ABLIM2: variants seen among roughly 807,000 people sequenced by gnomAD.
ABLIM2 encodes the protein actin binding LIM protein family member 2, also known as actin-binding LIM protein 2.
In ABLIM2, 53 loss-of-function variants were observed where a neutral mutation model predicts 97.7. That is an observed-to-expected ratio of 0.54 (90% CI 0.44 to 0.68). The LOEUF (loss-of-function observed/expected upper bound fraction) is 0.68. Among genes scored for constraint, ABLIM2 ranks in the 30% least tolerant of loss-of-function variants. The pLI is 0.00. For missense variants in ABLIM2, 835 were observed against 867.2 expected (o/e 0.96, Z 0.47); for synonymous variants, 361 against 345.8 (o/e 1.04, Z -0.49).
At chr4:7,980,117 G>T (rs1736797386) in intron 20 of ABLIM2, among the ~76,000 whole-genome samples, 1 of 152,084 alleles carries the variant, frequency 6.6e-6, no homozygotes, top group South Asian at 2.1e-4. Flanking sequence ...TCTAAGCCCT[G>T]CAATGGCTGA....
intron 20 of ABLIM2, among the ~76,000 whole-genome samples, chr4:7,973,604 C>T (rs773408091): frequency 2.0e-5 from 3 of 152,032 alleles, no homozygotes; most frequent in Non-Finnish European, 2.9e-5. Flanking sequence ...CCGTGTTAAG[C>T]AGTTTGGTTT....
At position 8,071,816 on chromosome 4, in the gene ABLIM2, G is replaced by C. The variant is rs1380866012; in HGVS notation, c.675+5812C>G. ...AGCCCAGTCTGACGGCCCTGCTTGA[G>C]TGCCGTGCTCCCTGGAACGTGTGCC... On this transcript the variant is annotated intron_variant, in intron 6 of 20. Transcript: ENST00000447017. The surrounding 1 kb of genome is among the most constrained non-coding windows in gnomAD (Gnocchi z 6.2). 2.0e-6 allele frequency: 2 copies of C among 985,276 alleles called. No individual in the cohort carries two copies. The highest frequency in any genetic ancestry group is 2.4e-6 in the Non-Finnish European group (2 of 829,984). The allele number at this position is 985,276 out of a possible 1,614,324, so 61.0% of individuals were successfully genotyped here.
Position 8,097,345 on chromosome 4 carries a change from C to T in ABLIM2, c.155-63G>A. On this transcript the variant is annotated intron_variant, in intron 2 of 20. Transcript: ENST00000447017. ...GGGACCATCTCCACGTCCCCCAGGC[C>T]CGAGGTGCACCCCCCTCCACACACA... The T allele has an allele frequency of 3.9e-6, 6 of 1,529,530 alleles. No homozygotes were observed. The African/African-American group carries it at 4.1e-5, about 11-fold the overall frequency. 94.7% of individuals were successfully genotyped at this position (1,529,530 alleles called of 1,614,324 possible). A position where few individuals can be genotyped will look rare whatever the true frequency, so the allele number is the denominator to read the frequency against.
At position 8,130,953 on chromosome 4, in the gene ABLIM2, G is replaced by A. The variant is rs989001274; in HGVS notation, c.11-24316C>T. On this transcript the variant is annotated intron_variant, in intron 1 of 20. Transcript: ENST00000447017. The surrounding 1 kb of genome is among the most constrained non-coding windows in gnomAD (Gnocchi z 4.2). ...AGCTCCCCCAAAGGCTCTAGGGGAG[G>A]CTGCCGTTACCTCGCCCTGCTCTTG... Among the ~76,000 whole-genome samples the A allele has an allele frequency of 6.6e-6, 1 of 152,128 alleles. No homozygotes were observed. Among genetic ancestry groups the A allele is most frequent in the Non-Finnish European group, 1.5e-5 (1 of 68,014 alleles).
rs757300426 is a variant in ABLIM2, at chr4:8,149,587, G to C, written c.10+9093C>G. 6.6e-6 allele frequency among the ~76,000 whole-genome samples: 1 copy of C among 151,920 alleles called. No individual in the cohort carries two copies. The highest frequency in any genetic ancestry group is 2.4e-5 in the African/African-American group (1 of 41,364). Reference sequence around the variant, plus strand: ...TCCGGCAGAGCCTTGAAAGGGAGAGGAGGAGGGACTCCAGGGGAGCGGGGG... The same window carrying C: ...TCCGGCAGAGCCTTGAAAGGGAGAGCAGGAGGGACTCCAGGGGAGCGGGGG... On this transcript the variant is annotated intron_variant, in intron 1 of 20. Transcript: ENST00000447017. The surrounding 1 kb of genome is among the most constrained non-coding windows in gnomAD (Gnocchi z 6.4).
intron 20 of ABLIM2, among the ~76,000 whole-genome samples, chr4:7,971,004 G>A (rs1451010156): frequency 6.6e-6 from 1 of 152,104 alleles, no homozygotes; most frequent in African/African-American, 2.4e-5. Flanking sequence ...GTATCCGGAA[G>A]GCTGGGTGAG....
Position 8,015,011 on chromosome 4 carries a change from C to T in ABLIM2, c.1423+4607G>A, listed in dbSNP as rs1349923164. ...ACTCGGCTCACTGCAACCTCCGCCTCCCAGGTTCAAGCAATTCTCGTACTT... is the reference window on the plus strand; with the variant it reads ...ACTCGGCTCACTGCAACCTCCGCCTTCCAGGTTCAAGCAATTCTCGTACTT... On this transcript the variant is annotated intron_variant, in intron 14 of 20. Coordinates refer to ENST00000447017, the MANE Select transcript of ABLIM2 (RefSeq NM_001130083.2). The surrounding 1 kb of genome is among the most constrained non-coding windows in gnomAD (Gnocchi z 4.6). 6.6e-6 allele frequency among the ~76,000 whole-genome samples: 1 copy of T among 151,982 alleles called. No homozygotes were observed. The highest frequency in any genetic ancestry group is 1.5e-5 in the Non-Finnish European group (1 of 67,992).
In ABLIM2 at chr4:8,019,752, G is replaced by A. The variant is rs935479268; in HGVS notation, c.1370-81C>T. The stretch of plus-strand genomic sequence containing the variant: ...GATGGTTTCTGTTCTACAGCTTTTT[G>A]TAAGCAACAAGCACTCACCCAGATT... On this transcript the variant is annotated intron_variant, in intron 13 of 20. Transcript: ENST00000447017. This position sits in a 1 kb window ranked among gnomAD's most constrained non-coding sequence, Gnocchi z 4.3. 4.1e-4 allele frequency: 554 copies of A among 1,340,112 alleles called. No homozygotes were observed. Among genetic ancestry groups the A allele is most frequent in the Non-Finnish European group, 5.4e-4 (510 of 946,952 alleles). 83.0% of individuals were successfully genotyped at this position (1,340,112 alleles called of 1,614,324 possible). A position where few individuals can be genotyped will look rare whatever the true frequency, so the allele number is the denominator to read the frequency against.
chr4:7,997,798 T>C (rs751711505), intron 16 of ABLIM2, among the ~76,000 whole-genome samples: 2 of 152,208 alleles, frequency 1.3e-5, no homozygotes, highest in Non-Finnish European at 2.9e-5. Flanking sequence ...AAGCATTTTT[T>C]AGTGATAAAT....
At chr4:8,156,329 C>T (rs780247978) in intron 1 of ABLIM2, among the ~76,000 whole-genome samples, 21 of 152,188 alleles carry the variant, frequency 1.4e-4, no homozygotes, top group South Asian at 6.2e-4. Context: ...GTGGACTGGC[C>T]GGCCATACTA....
rs992488852 is a variant in ABLIM2, at chr4:8,020,607, G to C, written c.1268-304C>G. 9 of 445,400 alleles carry C rather than the reference G, an allele frequency of 2.0e-5. No individual in the cohort carries two copies. In the South Asian group the frequency reaches 2.4e-4, roughly 12 times the overall value. 27.6% of individuals were successfully genotyped at this position (445,400 alleles called of 1,614,324 possible). A position where few individuals can be genotyped will look rare whatever the true frequency, so the allele number is the denominator to read the frequency against. On this transcript the variant is annotated intron_variant, in intron 12 of 20. Transcript: ENST00000447017. ...ACCTTAGGGGGCTCACTCCATCTGCGCCTCTGCATCCTGGCTGGTGTTTGA... is the reference window on the plus strand; with the variant it reads ...ACCTTAGGGGGCTCACTCCATCTGCCCCTCTGCATCCTGGCTGGTGTTTGA...
chr4:7,995,550 A>G (rs1052521348), intron 16 of ABLIM2, among the ~76,000 whole-genome samples: 2 of 152,220 alleles, frequency 1.3e-5, no homozygotes, highest in African/African-American at 4.8e-5. Flanking sequence ...CAATGAGGAC[A>G]GAGAAGAAAT....
chr4:8,060,115 T>C (rs941112537), intron 7 of ABLIM2, among the ~76,000 whole-genome samples: 10 of 152,024 alleles, frequency 6.6e-5, no homozygotes, highest in African/African-American at 1.9e-4. Flanking sequence ...AGGTAGAAAA[T>C]TGTGTTTCTT....
At chr4:7,972,121 C>T (rs2149399023) in intron 20 of ABLIM2, among the ~76,000 whole-genome samples, 1 of 152,290 alleles carries the variant, frequency 6.6e-6, no homozygotes, top group East Asian at 1.9e-4. Flanking sequence ...ATGACGGTGG[C>T]CATTGCCCCT....
Position 8,072,319 on chromosome 4 carries a change from AGGG to A in ABLIM2, c.675+5306_675+5308del, listed in dbSNP as rs147250412. Among the ~76,000 whole-genome samples, 631 of 152,120 alleles carry A rather than the reference AGGG, an allele frequency of 4.1e-3. 4 individuals are homozygous for A. Among genetic ancestry groups the A allele is most frequent in the African/African-American group, 0.015 (614 of 41,520 alleles). ...GCTTGCCTCCCAATCCATCAAGGGG[AGGG>A]GGGGCTGCCTGATGAAACCCACTTT... is the stretch of plus-strand genomic sequence containing the variant. On this transcript the variant is annotated intron_variant, in intron 6 of 20. Coordinates refer to ENST00000447017, the MANE Select transcript of ABLIM2 (RefSeq NM_001130083.2). This position sits in a 1 kb window ranked among gnomAD's most constrained non-coding sequence, Gnocchi z 5.8.
intron 8 of ABLIM2, among the ~76,000 whole-genome samples, chr4:8,050,874 G>A (rs1200967669): frequency 6.6e-6 from 1 of 152,236 alleles, no homozygotes; most frequent in Admixed American, 6.5e-5. Flanking sequence ...TTGGCCAGAG[G>A]CCAACTAGCC....
Position 8,085,239 on chromosome 4 carries a change from T to G in ABLIM2, c.454+2930A>C, listed in dbSNP as rs116801294. 0.027 allele frequency among the ~76,000 whole-genome samples: 4,064 copies of G among 152,176 alleles called. 171 individuals are homozygous for G. The highest frequency in any genetic ancestry group is 0.089 in the African/African-American group (3,714 of 41,532). ...AGGGGCAGCCACACAGGCAGCCATG[T>G]GAGGCCCCACCCTGCTGCCCCCCGG... is the stretch of plus-strand genomic sequence containing the variant. On this transcript the variant is annotated intron_variant, in intron 4 of 20. Transcript: ENST00000447017. The surrounding 1 kb of genome is among the most constrained non-coding windows in gnomAD (Gnocchi z 6.1).
At chr4:8,029,612 AGG>A in intron 11 of ABLIM2, 42 bp downstream of exon 11, 1 of 1,378,398 alleles carries the variant, frequency 7.3e-7, no homozygotes, top group Admixed American at 3.2e-5. Context: ...AAAAAGGAAA[AGG>A]ACAGCATCCT....
At chr4:8,143,963 G>A (rs1036478945) in intron 1 of ABLIM2, among the ~76,000 whole-genome samples, 3 of 152,154 alleles carry the variant, frequency 2.0e-5, no homozygotes, top group African/African-American at 7.2e-5. Flanking sequence ...CGAGGAAACT[G>A]GCGCTCGGAG....
Sources: gnomAD v4.1 joint callset for allele counts (sites outside exome capture counted in the v4.1 genomes callset) on GRCh38, gnomAD v4.1.1 for gene constraint, Gnocchi (gnomAD v3.1) non-coding constraint, MANE v1.5 for transcripts, NCBI Gene and HGNC (gene_info 2026-07-23, HGNC 2026-07-21) for gene names.